ABCC4: variants seen among roughly 807,000 people sequenced by gnomAD.
ABCC4 encodes ATP binding cassette subfamily C member 4 (PEL blood group).
Under a neutral mutation model 168.5 loss-of-function variants are expected in ABCC4, and 102 were observed. The observed-to-expected ratio is 0.61, with a 90% CI of 0.52 to 0.71. The LOEUF (loss-of-function observed/expected upper bound fraction) is 0.71. Ranked by LOEUF, ABCC4 falls within the 30% of genes least tolerant of loss-of-function variation. The pLI, the probability that ABCC4 is intolerant of heterozygous loss-of-function variation, is 0.00. For missense variants in ABCC4, 1,402 were observed against 1,605.8 expected (o/e 0.87, Z 2.17); for synonymous variants, 617 against 590.7 (o/e 1.04, Z -0.65).
chr13:95,167,903 G>A (rs980177894), intron 14 of ABCC4, among the ~76,000 whole-genome samples: 1 of 152,196 alleles, frequency 6.6e-6, no homozygotes, highest in Non-Finnish European at 1.5e-5. Flanking sequence ...GTCTCAGTCT[G>A]TTGCCCAGGC....
At chr13:95,102,291 C>T (rs911358445) in intron 20 of ABCC4, among the ~76,000 whole-genome samples, 2 of 152,020 alleles carry the variant, frequency 1.3e-5, no homozygotes, top group African/African-American at 2.4e-5. Context: ...ACTACAGGCA[C>T]GCACCACTAC....
In ABCC4 at chr13:95,061,231, T is replaced by G. The variant is rs139987693; in HGVS notation, c.3366+1473A>C. ...CTCTGAGATCCTGCTTTTAATTCTT[T>G]CTGGAAGTGGAACTGCTGGATCACA... On this transcript the variant is annotated intron_variant, in intron 26 of 30. Coordinates refer to ENST00000645237, the MANE Select transcript of ABCC4 (RefSeq NM_005845.5). Among the ~76,000 whole-genome samples the G allele has an allele frequency of 9.1e-4, 138 of 152,324 alleles. 1 individual carries two copies. The East Asian group carries it at 0.022, about 24-fold the overall frequency.
intron 9 of ABCC4, among the ~76,000 whole-genome samples, chr13:95,190,976 T>C (rs1022339511): frequency 6.6e-6 from 1 of 152,178 alleles, no homozygotes; most frequent in Non-Finnish European, 1.5e-5. Flanking sequence ...TCCTCAACTC[T>C]AGAAAAGGAT....
rs141429959 is a variant in ABCC4, at chr13:95,037,200, T to C, written c.3736-2461A>G. ...CTGCAAGATTTGAGACAAGGCATCC[T>C]TGGCATATAAATATGACCTAACAAA... is the stretch of plus-strand genomic sequence containing the variant. On this transcript the variant is annotated intron_variant, in intron 29 of 30. Transcript: ENST00000645237. 5.9e-5 allele frequency among the ~76,000 whole-genome samples: 9 copies of C among 152,202 alleles called. No homozygotes were observed. The East Asian group carries it at 1.7e-3, about 29-fold the overall frequency.
chr13:95,032,727 C>A (rs2031936728), intron 30 of ABCC4, among the ~76,000 whole-genome samples: 1 of 150,208 alleles, frequency 6.7e-6, no homozygotes, highest in African/African-American at 2.4e-5. Flanking sequence ...GCAGTGGCGC[C>A]ATCTCAGCTC....
At chr13:95,052,941 A>G (rs546462297) in intron 27 of ABCC4, among the ~76,000 whole-genome samples, 154 bp downstream of exon 27, 8 of 152,354 alleles carry the variant, frequency 5.3e-5, no homozygotes, top group African/African-American at 1.7e-4. Flanking sequence ...ATCAGTATAC[A>G]CATTATAGCA....
intron 1 of ABCC4, among the ~76,000 whole-genome samples, chr13:95,272,428 A>G (rs183347562): frequency 5.4e-4 from 82 of 152,324 alleles, no homozygotes; most frequent in African/African-American, 1.8e-3. Context: ...CCCTAAAAAA[A>G]CCTTTCACAG....
At chr13:95,045,771 T>C (rs910065147) in intron 27 of ABCC4, among the ~76,000 whole-genome samples, 3 of 151,970 alleles carry the variant, frequency 2.0e-5, no homozygotes, top group African/African-American at 4.8e-5. Flanking sequence ...AGCAAGCAGA[T>C]AGATGAGTGA....
chr13:95,178,158 G>A, intron 11 of ABCC4, 67 bp from the exon 12 acceptor site: 3 of 1,431,996 alleles, frequency 2.1e-6, no homozygotes, highest in South Asian at 1.2e-5. Context: ...TGTTCTTTGT[G>A]TTCTTCCAAA....
chr13:95,089,725 C>T (rs915570880), intron 20 of ABCC4, among the ~76,000 whole-genome samples: 1 of 151,958 alleles, frequency 6.6e-6, no homozygotes, highest in Admixed American at 6.6e-5. Flanking sequence ...TCAATCAATG[C>T]TATTTATCAG....
At chr13:95,144,452 T>G (rs2036421289) in intron 19 of ABCC4, among the ~76,000 whole-genome samples, 1 of 151,886 alleles carries the variant, frequency 6.6e-6, no homozygotes, top group South Asian at 2.1e-4. Context: ...AAAAAGCAAG[T>G]CAAACTACCT....
rs768236837 is a variant in ABCC4, at chr13:95,075,561, C to T, written c.2687-10G>A. The T allele has an allele frequency of 3.7e-6, 6 of 1,613,380 alleles. No homozygotes were observed. The Admixed American group carries it at 5.0e-5, about 13-fold the overall frequency. Reference sequence around the variant, plus strand: ...AACACTGGACTCCGAGCTGGGGAAACAGACAGAGAAAACAGCTCAGTGAGG... The same window carrying T: ...AACACTGGACTCCGAGCTGGGGAAATAGACAGAGAAAACAGCTCAGTGAGG... On this transcript the variant is annotated splice_polypyrimidine_tract_variant and intron_variant, in intron 21 of 30. Transcript: ENST00000645237.
chr13:95,286,793 C>T (rs1357902799), intron 1 of ABCC4, among the ~76,000 whole-genome samples: 1 of 151,236 alleles, frequency 6.6e-6, no homozygotes, highest in African/African-American at 2.4e-5. Flanking sequence ...CCCTTGTCTA[C>T]TAAAAATACA....
intron 25 of ABCC4, among the ~76,000 whole-genome samples, chr13:95,063,697 C>T (rs545773583): frequency 6.6e-6 from 1 of 152,162 alleles, no homozygotes; most frequent in Admixed American, 6.6e-5. Context: ...AAAGCCAAGA[C>T]AGAGAGAAAT....
chr13:95,241,546 A>T (rs1366642283), intron 3 of ABCC4, among the ~76,000 whole-genome samples: 1 of 152,028 alleles, frequency 6.6e-6, no homozygotes, highest in African/African-American at 2.4e-5. Context: ...GCAGGCTCTA[A>T]GTGGGTGGAT....
Position 95,149,324 on chromosome 13 carries a change from A to G in ABCC4, c.2455+11865T>C, listed in dbSNP as rs28684507. Among the ~76,000 whole-genome samples, 1,239 of 152,314 alleles carry G rather than the reference A, an allele frequency of 8.1e-3. 13 individuals carry two copies. The highest frequency in any genetic ancestry group is 0.028 in the African/African-American group (1,157 of 41,572). On this transcript the variant is annotated intron_variant, in intron 19 of 30. Coordinates refer to ENST00000645237, the MANE Select transcript of ABCC4 (RefSeq NM_005845.5). ...ACCAATAAGAAATACTTCTGTCTAC[A>G]ATACAGTTCATTGGTAGAACTTATT...
chr13:95,197,495 G>A (rs1230497101), intron 8 of ABCC4, among the ~76,000 whole-genome samples: 1 of 152,146 alleles, frequency 6.6e-6, no homozygotes, highest in African/African-American at 2.4e-5. Flanking sequence ...ATAGTTTAGT[G>A]GTTAAATGAG....
chr13:95,034,814 G>A (rs540470236), intron 29 of ABCC4, 75 bp from the exon 30 acceptor site: 10 of 1,599,026 alleles, frequency 6.3e-6, no homozygotes, highest in East Asian at 2.2e-5. Context: ...ACAATATTTC[G>A]GAAAGGGGCA....
chr13:95,234,807 A>G lies in ABCC4; in HGVS notation c.334T>C (p.Phe112Leu). The G allele has an allele frequency of 1.3e-6, 2 of 1,571,036 alleles. No individual in the cohort carries two copies. Among genetic ancestry groups the G allele is most frequent in the Non-Finnish European group, 1.7e-6 (2 of 1,156,538 alleles). Reference sequence around the variant, plus strand: ...AAATAATTAATAATTTTTCCCAAAAATATGGGCTGGATTACTTTGGCACTT... The same window carrying G: ...AAATAATTAATAATTTTTCCCAAAAGTATGGGCTGGATTACTTTGGCACTT... The part of the protein sequence containing the change: ...EESAKVIQPI[F>L]LGKIINYFEN... The change falls in exon 4 of 31, where the codon TTT (phenylalanine) becomes CTT (leucine). Residue 112 changes from phenylalanine (F) to leucine (L), a missense_variant. Physicochemically the swap from Phe to Leu is conservative, Grantham distance 22. Transcript: ENST00000645237.
Sources: allele counts gnomAD v4.1 joint callset (sites outside exome capture counted in the v4.1 genomes callset), GRCh38; gene constraint gnomAD v4.1.1; transcripts MANE v1.5; gene names NCBI Gene and HGNC (gene_info 2026-07-23, HGNC 2026-07-21).